NPAT: variants seen among roughly 807,000 people sequenced by gnomAD.
NPAT encodes protein NPAT.
NPAT carries 52 observed loss-of-function variants against 130.7 expected under a neutral mutation model. That is an observed-to-expected ratio of 0.40 (90% confidence interval 0.32 to 0.50). The LOEUF is 0.50. NPAT is among the 20% of genes least tolerant of loss of function. The pLI is 0.68. For synonymous variants in NPAT, 580 were observed against 584.8 expected, an observed-to-expected ratio of 0.99 and a Z score of 0.12; for missense variants, 1,687 against 1,662.6, an observed-to-expected ratio of 1.01 and a Z score of -0.26.
chr11:108,162,774 A>G (rs985224465), intron 15 of NPAT, among the ~76,000 whole-genome samples: 1 of 152,190 alleles, frequency 6.6e-6, no homozygotes, highest in Non-Finnish European at 1.5e-5. Flanking sequence ...ACAAATTACA[A>G]TGCTCAATAT....
chr11:108,159,004 T>A lies in NPAT; in HGVS notation c.4222A>T (p.Ser1408Cys). The A allele has an allele frequency of 6.2e-7, 1 of 1,606,448 alleles. No homozygotes were observed. The highest frequency in any genetic ancestry group is 8.5e-7 in the Non-Finnish European group (1 of 1,176,572). The change falls in exon 18 of 18, where the codon AGT (serine) becomes TGT (cysteine). Residue 1408 changes from serine to cysteine, a missense_variant. Ser to Cys is a moderately radical substitution (Grantham distance 112). Around this residue, in one of 3 missense-constraint regions of NPAT, gnomAD observed 1,379 missense variants for 1,346.6 expected, o/e 1.02. Coordinates refer to ENST00000278612, the MANE Select transcript of NPAT (RefSeq NM_002519.3). ...KKKIKKKKLP[S>C]SFPAGMDVDK... ...ACATCCATTCCTGCTGGAAATGAACTGGGAAGCTTCTTTTTCTGTTGAAAA... is the reference window on the plus strand; with the variant it reads ...ACATCCATTCCTGCTGGAAATGAACAGGGAAGCTTCTTTTTCTGTTGAAAA...
intron 11 of NPAT, 59 bp downstream of exon 11, chr11:108,176,935 G>C: frequency 9.0e-7 from 1 of 1,112,590 alleles, no homozygotes; most frequent in Non-Finnish European, 1.4e-6. Flanking sequence ...CTCTGGTTAA[G>C]TTACCAAAGA....
intron 15 of NPAT, among the ~76,000 whole-genome samples, chr11:108,164,817 G>C (rs184144970): frequency 6.6e-6 from 1 of 152,202 alleles, no homozygotes; most frequent in African/African-American, 2.4e-5. Flanking sequence ...TTCGAGACCA[G>C]CCTGGCCAAC....
chr11:108,178,453 G>T (rs1487544539), intron 10 of NPAT, among the ~76,000 whole-genome samples: 3 of 152,026 alleles, frequency 2.0e-5, no homozygotes, highest in Non-Finnish European at 4.4e-5. Flanking sequence ...TGAATTTCAA[G>T]ATTTAATATT....
intron 15 of NPAT, among the ~76,000 whole-genome samples, chr11:108,166,560 T>C (rs2077904796): frequency 6.6e-6 from 1 of 152,230 alleles, no homozygotes; most frequent in African/African-American, 2.4e-5. Flanking sequence ...ATATATTGTA[T>C]ATTTAATGAT....
At chr11:108,174,717 T>G (rs938651982) in intron 12 of NPAT, among the ~76,000 whole-genome samples, 1 of 151,330 alleles carries the variant, frequency 6.6e-6, no homozygotes, top group African/African-American at 2.4e-5. Context: ...CGGGTTCATG[T>G]GATTCTCCTG....
At chr11:108,191,500 C>T (rs1019278995) in intron 4 of NPAT, among the ~76,000 whole-genome samples, 15 of 152,080 alleles carry the variant, frequency 9.9e-5, no homozygotes, top group Non-Finnish European at 1.6e-4. Flanking sequence ...ATAAGACTAC[C>T]AAGTAAGATG....
chr11:108,177,220 C>T (rs1591393915), intron 10 of NPAT, 130 bp from the exon 11 acceptor site: 1 of 378,682 alleles, frequency 2.6e-6, no homozygotes, highest in East Asian at 4.7e-5. Context: ...GGTAGAGTCA[C>T]TGTAGCTCAC....
Position 108,162,031 on chromosome 11 carries a change from CA to C in NPAT, c.3072-18del, listed in dbSNP as rs1458172125. ...ACTTCAGTTCTAAAACAAAACAAAA[CA>C]AAACTATTTCTAGCAGCATAAAGAA... is the stretch of plus-strand genomic sequence containing the variant. On this transcript the variant is annotated intron_variant, in intron 16 of 17. Coordinates refer to ENST00000278612, the MANE Select transcript of NPAT (RefSeq NM_002519.3). 6.2e-7 allele frequency: 1 copy of C among 1,610,840 alleles called. No individual in the cohort carries two copies. Among genetic ancestry groups the C allele is most frequent in the African/African-American group, 1.3e-5 (1 of 74,690 alleles).
chr11:108,160,639 C>A (rs753096911), intron 17 of NPAT, among the ~76,000 whole-genome samples: 5 of 152,154 alleles, frequency 3.3e-5, no homozygotes, highest in Non-Finnish European at 7.4e-5. Flanking sequence ...TTCACCTAGA[C>A]ACCTTGTGCG....
intron 15 of NPAT, among the ~76,000 whole-genome samples, chr11:108,163,734 T>G (rs2077875141): frequency 6.6e-6 from 1 of 152,126 alleles, no homozygotes; most frequent in Non-Finnish European, 1.5e-5. Flanking sequence ...CACCATAGTA[T>G]CAACAGTTAT....
intron 13 of NPAT, 171 bp downstream of exon 13, chr11:108,172,022 GAAAAAT>G: frequency 1.6e-6 from 1 of 619,696 alleles, no homozygotes; most frequent in East Asian, 2.7e-5. Context: ...AGCAGATTAA[GAAAAAT>G]AAAAAAGGTT....
chr11:108,193,903 A>C, intron 3 of NPAT, 54 bp downstream of exon 3: 1 of 1,037,540 alleles, frequency 9.6e-7, no homozygotes, highest in Non-Finnish European at 1.5e-6. Flanking sequence ...TAACTAAATC[A>C]AGTAGATAAA....
rs187987832 is a variant in NPAT at position 108,207,071 on chromosome 11, G to C, written c.38-9651C>G. ...ACGAGTGTCCAACTCTCAGTGAATA[G>C]AGCTGCAGTGGGTAGCTCCTTTCTG... On this transcript the variant is annotated intron_variant, in intron 1 of 17. Transcript: ENST00000278612. Among the ~76,000 whole-genome samples, 4 of 152,300 alleles carry C rather than the reference G, an allele frequency of 2.6e-5. No individual in the cohort carries two copies. The East Asian group carries it at 7.7e-4, about 29-fold the overall frequency.
chr11:108,162,659 T>C (rs1195404743), intron 15 of NPAT, among the ~76,000 whole-genome samples: 1 of 152,214 alleles, frequency 6.6e-6, no homozygotes. Context: ...TTCAAACTCC[T>C]GGCCTCAAGT....
chr11:108,187,824 T>C (rs538670962), intron 7 of NPAT, among the ~76,000 whole-genome samples: 6 of 152,280 alleles, frequency 3.9e-5, no homozygotes, highest in South Asian at 4.1e-4. Context: ...AAATCTCAGA[T>C]AACATCATTT....
In NPAT at chr11:108,179,001, G is replaced by A. The variant is rs537889963; in HGVS notation, c.907-1911C>T. Among the ~76,000 whole-genome samples, 13 of 152,250 alleles carry A rather than the reference G, an allele frequency of 8.5e-5. No individual in the cohort carries two copies. In the East Asian group the frequency reaches 1.2e-3, roughly 14 times the overall value. ...ATTATAAATTGATAGTAACCAACAC[G>A]GTATGGTACTGGCATAAAGGCAAAC... On this transcript the variant is annotated intron_variant, in intron 10 of 17. Coordinates refer to ENST00000278612, the MANE Select transcript of NPAT (RefSeq NM_002519.3).
chr11:108,191,272 A>T (rs1247165938), intron 4 of NPAT, among the ~76,000 whole-genome samples: 1 of 152,180 alleles, frequency 6.6e-6, no homozygotes, highest in East Asian at 1.9e-4. Flanking sequence ...AGCTTTTATA[A>T]AATTTATGAC....
intron 15 of NPAT, among the ~76,000 whole-genome samples, chr11:108,167,003 T>C (rs907457101): frequency 1.3e-5 from 2 of 152,240 alleles, no homozygotes; most frequent in Admixed American, 6.5e-5. Context: ...TTATCATTTT[T>C]GTGGTCATTA....
Sources: gnomAD v4.1 joint callset for allele counts (sites outside exome capture counted in the v4.1 genomes callset) on GRCh38, gnomAD v4.1.1 for gene constraint, gnomAD v4.1.1 regional missense constraint, MANE v1.5 for transcripts, NCBI Gene and HGNC (gene_info 2026-07-23, HGNC 2026-07-21) for gene names.